Variants in EPM2A observed in about 807,000 individuals in gnomAD.
The protein encoded by EPM2A is laforin.
In EPM2A, 21 loss-of-function variants were observed where a neutral mutation model predicts 26.5. The ratio of observed to expected loss-of-function variants is 0.79; its 90% CI spans 0.56 to 1.14. EPM2A has a LOEUF of 1.14. Ranked by LOEUF, EPM2A falls within the 50% of genes most tolerant of loss-of-function variation. The pLI, the probability that EPM2A is intolerant of heterozygous loss-of-function variation, is 0.00. For synonymous variants in EPM2A, 217 were observed against 177.6 expected (o/e 1.22, Z -1.76); for missense variants, 458 against 440.8 (o/e 1.04, Z -0.35).
At chr6:145,397,107 C>A (rs143264426) in intron 4 of EPM2A, among the ~76,000 whole-genome samples, 1,688 of 152,250 alleles carry the variant, frequency 0.011, 16 homozygotes, top group Non-Finnish European at 0.016. Flanking sequence ...GCAGTTCACT[C>A]CCGTGAGAAA....
intron 4 of EPM2A, among the ~76,000 whole-genome samples, chr6:145,419,515 A>G (rs994181546): frequency 1.3e-5 from 2 of 152,214 alleles, no homozygotes; most frequent in African/African-American, 4.8e-5. Flanking sequence ...CTTAAATATA[A>G]TGATCAAACT....
chr6:145,487,765 G>A (rs1456860269), intron 4 of EPM2A, among the ~76,000 whole-genome samples: 1 of 152,110 alleles, frequency 6.6e-6, no homozygotes, highest in Admixed American at 6.5e-5. Context: ...CATTCTGTAG[G>A]TTGTCTGTTG....
intron 4 of EPM2A, among the ~76,000 whole-genome samples, chr6:145,395,987 T>G (rs1245365380): frequency 1.3e-5 from 2 of 152,170 alleles, no homozygotes; most frequent in Non-Finnish European, 2.9e-5. Flanking sequence ...GTAATATTTA[T>G]ACACACAGCA....
downstream of EPM2A, among the ~76,000 whole-genome samples, chr6:145,500,737 C>A (rs1291706063): frequency 6.6e-6 from 1 of 152,170 alleles, no homozygotes; most frequent in African/African-American, 2.4e-5. Flanking sequence ...ATGAGCAGAG[C>A]TAACAAATTT....
chr6:145,666,000 T>C (rs1331655327), intron 2 of EPM2A, among the ~76,000 whole-genome samples: 18 of 146,738 alleles, frequency 1.2e-4, no homozygotes, highest in African/African-American at 3.8e-4. Flanking sequence ...AATTAGGTAT[T>C]GATGGGACGT....
chr6:145,505,777 AT>A (rs1214219549), intron 2 of EPM2A, among the ~76,000 whole-genome samples: 1 of 152,240 alleles, frequency 6.6e-6, no homozygotes, highest in South Asian at 2.1e-4. Flanking sequence ...TATTTTCTTA[AT>A]AAAAATTATA....
intron 2 of EPM2A, among the ~76,000 whole-genome samples, chr6:145,561,729 G>A (rs892232222): frequency 1.3e-5 from 2 of 152,162 alleles, no homozygotes; most frequent in African/African-American, 2.4e-5. Flanking sequence ...TGAGGGCAGT[G>A]ATAATCATGA....
chr6:145,472,945 A>G (rs190379998), intron 4 of EPM2A, among the ~76,000 whole-genome samples: 1 of 152,218 alleles, frequency 6.6e-6, no homozygotes, highest in Non-Finnish European at 1.5e-5. Flanking sequence ...ATAAGCCCAG[A>G]TGGTGAAAAC....
intron 2 of EPM2A, chr6:145,638,714 G>C (rs986862228): frequency 2.6e-5 from 4 of 151,874 alleles, no homozygotes; most frequent in Non-Finnish European, 5.9e-5. Context: ...GATTTGTACT[G>C]AATCATTGTA....
intron 4 of EPM2A, among the ~76,000 whole-genome samples, chr6:145,411,978 G>C (rs12196190): frequency 0.12 from 18,248 of 152,068 alleles, 1,167 homozygotes; most frequent in South Asian, 0.24. Context: ...CCAGCAATTT[G>C]GGAGGCCGAG....
chr6:145,477,409 A>G (rs936080641), intron 4 of EPM2A, among the ~76,000 whole-genome samples: 1 of 151,926 alleles, frequency 6.6e-6, no homozygotes, highest in African/African-American at 2.4e-5. Context: ...AGTAAGGAAT[A>G]TTTTCAAAGT....
intron 2 of EPM2A, among the ~76,000 whole-genome samples, chr6:145,535,813 A>G (rs1233475028): frequency 6.6e-6 from 1 of 152,196 alleles, no homozygotes; most frequent in African/African-American, 2.4e-5. Context: ...TTCTTCTGAT[A>G]ATGCTCTTGG....
At chr6:145,561,646 C>A (rs1319614774) in intron 2 of EPM2A, among the ~76,000 whole-genome samples, 5 of 152,076 alleles carry the variant, frequency 3.3e-5, no homozygotes, top group African/African-American at 1.2e-4. Context: ...TTCTGTGACA[C>A]GTATCTTCTC....
intron 2 of EPM2A, among the ~76,000 whole-genome samples, chr6:145,508,368 T>C (rs1182069087): frequency 1.3e-5 from 2 of 152,174 alleles, no homozygotes; most frequent in Non-Finnish European, 2.9e-5. Context: ...CTCTTACTTC[T>C]CAGCATCATC....
At chr6:145,727,500 C>A (rs1018403866) in intron 1 of EPM2A, among the ~76,000 whole-genome samples, 1 of 151,396 alleles carries the variant, frequency 6.6e-6, no homozygotes, top group Non-Finnish European at 1.5e-5. Context: ...AAGTAATTAG[C>A]CCATGATAAA....
intron 4 of EPM2A, among the ~76,000 whole-genome samples, chr6:145,477,900 T>G (rs1246316596): frequency 1.3e-5 from 2 of 151,854 alleles, no homozygotes; most frequent in African/African-American, 4.8e-5. Context: ...TCACCACTGT[T>G]ATTTAACATA....
At chr6:145,694,440 A>G (rs911803010) in intron 1 of EPM2A, among the ~76,000 whole-genome samples, 1 of 152,044 alleles carries the variant, frequency 6.6e-6, no homozygotes, top group Non-Finnish European at 1.5e-5. Context: ...GAGATGATGA[A>G]TCCTGTTCCA....
At chr6:145,540,767 G>C (rs1780496143) in intron 2 of EPM2A, among the ~76,000 whole-genome samples, 1 of 152,068 alleles carries the variant, frequency 6.6e-6, no homozygotes, top group Non-Finnish European at 1.5e-5. Context: ...CTAGGGGCGT[G>C]GTAAATTCAG....
intron 2 of EPM2A, among the ~76,000 whole-genome samples, chr6:145,543,869 G>A (rs1280084642): frequency 6.6e-6 from 1 of 152,168 alleles, no homozygotes; most frequent in Non-Finnish European, 1.5e-5. Context: ...TTTGGGACTT[G>A]TTAGTGGCTC....
Sources: gnomAD v4.1 joint callset for allele counts (sites outside exome capture counted in the v4.1 genomes callset) on GRCh38, gnomAD v4.1.1 for gene constraint, MANE v1.5 for transcripts, NCBI Gene and HGNC (gene_info 2026-07-23, HGNC 2026-07-21) for gene names.